The following NR2E3 variants were observed in gnomAD, a reference collection of about 807,000 sequenced individuals.
NR2E3 encodes the protein nuclear receptor subfamily 2 group E member 3.
A neutral mutation model predicts 37.6 loss-of-function variants in NR2E3; 38 were observed. That is an observed-to-expected ratio of 1.01 (90% CI 0.78 to 1.33). The LOEUF is 1.33. NR2E3 is among the 40% of genes most tolerant of loss of function. The pLI, the probability that NR2E3 is intolerant of heterozygous loss-of-function variation, is 0.00. For synonymous variants in NR2E3, 235 were observed against 225.1 expected (o/e 1.04, Z -0.39); for missense variants, 562 against 558.7 (o/e 1.01, Z -0.06).
chr15:71,816,742 ATACT>A (rs2054229371), intron 7 of NR2E3, among the ~76,000 whole-genome samples: 2 of 152,084 alleles, frequency 1.3e-5, no homozygotes, highest in South Asian at 4.1e-4. Context: ...TATAATTATA[ATACT>A]TATATATGAG....
chr15:71,812,530 G>A lies in NR2E3; in HGVS notation c.747+19G>A. 4 of 1,588,822 alleles carry A rather than the reference G, an allele frequency of 2.5e-6. No homozygotes were observed. The highest frequency in any genetic ancestry group is 3.4e-6 in the Non-Finnish European group (4 of 1,165,844). ...GGATCAGGTACCTACCGGCCTGCCT[G>A]CTGGGGAGCTAGGCTGGGCTGGGGT... On this transcript the variant is annotated intron_variant, in intron 5 of 7. Coordinates refer to ENST00000617575, the MANE Select transcript of NR2E3 (RefSeq NM_014249.4).
chr15:71,815,341 T>C (rs1015242262), intron 7 of NR2E3, among the ~76,000 whole-genome samples: 1 of 152,222 alleles, frequency 6.6e-6, no homozygotes, highest in Non-Finnish European at 1.5e-5. Flanking sequence ...GGTAATTTCC[T>C]TTTAAGAAAA....
At chr15:71,815,572 T>C (rs1219404640) in intron 7 of NR2E3, among the ~76,000 whole-genome samples, 1 of 152,196 alleles carries the variant, frequency 6.6e-6, no homozygotes, top group Non-Finnish European at 1.5e-5. Context: ...AAATGCTGAT[T>C]AAGATTTCCT....
At position 71,810,810 on chromosome 15, in the gene NR2E3, G is replaced by T; in HGVS notation, c.67G>T (p.Ala23Ser). 1 of 1,574,138 alleles carries T rather than the reference G, an allele frequency of 6.4e-7. No homozygotes were observed. The highest frequency in any genetic ancestry group is 8.6e-7 in the Non-Finnish European group (1 of 1,160,268). ...TGCAGCTGCGCCTGCAGCTGGGGCT[G>T]CCTCCAGGAAGGAGTCTCCAGGCAG... is the stretch of plus-strand genomic sequence containing the variant. Reference protein sequence around the residue: ...VAAAAPAAGAASRKESPGRWG... With the variant: ...VAAAAPAAGASSRKESPGRWG... The change falls in exon 1 of 8, where the codon GCC (alanine) becomes TCC (serine). Residue 23 changes from alanine (A) to serine (S), a missense_variant. Transcript: ENST00000617575.
At chr15:71,815,301 C>G (rs1435075653) in intron 7 of NR2E3, among the ~76,000 whole-genome samples, 3 of 152,176 alleles carry the variant, frequency 2.0e-5, no homozygotes, top group African/African-American at 4.8e-5. Flanking sequence ...TGCATCACCT[C>G]TAATCCAAGA....
In NR2E3 at chr15:71,811,908, T is replaced by A. The variant is rs747616553; in HGVS notation, c.349+39T>A. The A allele has an allele frequency of 1.3e-5, 20 of 1,549,204 alleles. No homozygotes were observed. The highest frequency in any genetic ancestry group is 2.0e-5 in the Admixed American group (1 of 50,944). On this transcript the variant is annotated intron_variant, in intron 3 of 7. Transcript: ENST00000617575. This position sits in a 1 kb window ranked among gnomAD's most constrained non-coding sequence, Gnocchi z 5.6. ...TGGCCCGGGGGGAGGTGACAAGAAA[T>A]GGGCAGCGGGACTGGCGTGTCGTCC...
rs1284383316 is a variant in NR2E3, at chr15:71,812,099, C to T, written c.494C>T (p.Ala165Val). 6.4e-6 allele frequency: 10 copies of T among 1,555,456 alleles called. No homozygotes were observed. The Admixed American group carries it at 1.9e-4, about 30-fold the overall frequency. ...CCACGGGGCCCCACACCCATGTCTG[C>T]AGCCAGAGCCCTGGGCCACCACTTC... ...RSPRGPTPMS[A>V]ARALGHHFMA... Residue 165 changes from alanine (A) to valine (V), a missense_variant, in exon 4 of 8, where the codon GCA becomes GTA. Coordinates refer to ENST00000617575, the MANE Select transcript of NR2E3 (RefSeq NM_014249.4).
intron 5 of NR2E3, 137 bp downstream of exon 5, chr15:71,812,648 CAT>C: frequency 1.3e-6 from 1 of 764,720 alleles, no homozygotes; most frequent in Non-Finnish European, 2.0e-6. Context: ...TGGGGACACA[CAT>C]ACCTCTGATT....
intron 7 of NR2E3, among the ~76,000 whole-genome samples, chr15:71,817,100 TC>T (rs58619093): frequency 0.064 from 6,069 of 94,816 alleles, 514 homozygotes; most frequent in African/African-American, 0.22. Flanking sequence ...TTTTCTTTTT[TC>T]TTTTTTTTTT....
intron 7 of NR2E3, chr15:71,814,936 G>A: frequency 1.0e-6 from 1 of 980,686 alleles, no homozygotes; most frequent in Non-Finnish European, 1.2e-6. Context: ...TTTGGGAGAA[G>A]ACATTGTTAA....
Position 71,817,883 on chromosome 15 carries a change from A to G in NR2E3, c.*199A>G. The G allele has an allele frequency of 2.3e-6, 1 of 430,230 alleles. No individual in the cohort carries two copies. The highest frequency in any genetic ancestry group is 4.2e-6 in the Non-Finnish European group (1 of 240,306). 26.7% of individuals were successfully genotyped at this position (430,230 alleles called of 1,614,324 possible). A position where few individuals can be genotyped will look rare whatever the true frequency, so the allele number is the denominator to read the frequency against. On this transcript the variant is annotated 3_prime_UTR_variant, in exon 8 of 8. Transcript: ENST00000617575. ...TGTATATTGATGGTAGGATGAATTA[A>G]CAAGTTGTGGTATATTCATATAATG...
rs2054170502 is a variant in NR2E3, at chr15:71,810,655, G to C, written c.-89G>C. ...TCAGGAAGGGAGACAGGGGCACAGA[G>C]AGACAGAGGTTCATGGACTGAGGCA... On this transcript the variant is annotated 5_prime_UTR_variant, in exon 1 of 8. Coordinates refer to ENST00000617575, the MANE Select transcript of NR2E3 (RefSeq NM_014249.4). 3 of 1,533,046 alleles carry C rather than the reference G, an allele frequency of 2.0e-6. No individual in the cohort carries two copies. The African/African-American group carries it at 4.1e-5, about 21-fold the overall frequency. 95.0% of individuals were successfully genotyped at this position (1,533,046 alleles called of 1,614,324 possible).
At chr15:71,815,442 C>T (rs1264689474) in intron 7 of NR2E3, among the ~76,000 whole-genome samples, 1 of 152,218 alleles carries the variant, frequency 6.6e-6, no homozygotes, top group Non-Finnish European at 1.5e-5. Flanking sequence ...TAAGACTTGA[C>T]TTAGCATCTG....
At position 71,814,471 on chromosome 15, in the gene NR2E3, TGAAAG is replaced by T. The variant is rs1017070111; in HGVS notation, c.1100+358_1100+362del. ...GACTTTGTGGAGACAGGGCTGGACT[TGAAAG>T]GAAGAAGAAGTCTAAAAGAAAACAT... is the stretch of plus-strand genomic sequence containing the variant. On this transcript the variant is annotated intron_variant, in intron 7 of 7. Coordinates refer to ENST00000617575, the MANE Select transcript of NR2E3 (RefSeq NM_014249.4). 1.6e-4 allele frequency: 167 copies of T among 1,051,132 alleles called. No homozygotes were observed. The African/African-American group carries it at 2.6e-3, about 16-fold the overall frequency. 65.1% of individuals were successfully genotyped at this position (1,051,132 alleles called of 1,614,324 possible). A position where few individuals can be genotyped will look rare whatever the true frequency, so the allele number is the denominator to read the frequency against.
At position 71,813,322 on chromosome 15, in the gene NR2E3, C is replaced by T. The variant is rs1454681667; in HGVS notation, c.748-67C>T. ...ATTCCTTGGGTGCCTGAGATGGTGG[C>T]AGAGGCTCCAGACTGAGCCAGAGAA... On this transcript the variant is annotated intron_variant, in intron 5 of 7. Transcript: ENST00000617575. The surrounding 1 kb of genome is among the most constrained non-coding windows in gnomAD (Gnocchi z 4.7). 3.0e-5 allele frequency: 47 copies of T among 1,563,358 alleles called. No homozygotes were observed. The highest frequency in any genetic ancestry group is 4.0e-5 in the Non-Finnish European group (46 of 1,155,076).
At chr15:71,814,862 T>C (rs2054215422) in intron 7 of NR2E3, 1 of 985,420 alleles carries the variant, frequency 1.0e-6, no homozygotes. Context: ...AGGGAGACTC[T>C]AGGAGTTGAA....
At chr15:71,817,081 T>G (rs1359068321) in intron 7 of NR2E3, among the ~76,000 whole-genome samples, 2 of 151,564 alleles carry the variant, frequency 1.3e-5, no homozygotes, top group East Asian at 3.9e-4. Flanking sequence ...CTCCTCTGGT[T>G]AATGCGGCTT....
chr15:71,812,075 C>T lies in NR2E3; in HGVS notation c.470C>T (p.Pro157Leu). The T allele has an allele frequency of 2.6e-6, 4 of 1,553,176 alleles. No homozygotes were observed. The highest frequency in any genetic ancestry group is 1.2e-5 in the South Asian group (1 of 84,220). The change falls in exon 4 of 8, where the codon CCA (proline) becomes CTA (leucine). Residue 157 changes from proline (P) to leucine (L), a missense_variant. Coordinates refer to ENST00000617575, the MANE Select transcript of NR2E3 (RefSeq NM_014249.4). ...CCCCCGGCCCCGGCAGGGCGCAGCC[C>T]ACGGGGCCCCACACCCATGTCTGCA... ...VAPPAPAGRS[P>L]RGPTPMSAAR...
chr15:71,812,251 T>C (rs1427221841), intron 4 of NR2E3, 75 bp downstream of exon 4: 3 of 1,609,600 alleles, frequency 1.9e-6, no homozygotes, highest in Non-Finnish European at 1.7e-6. Flanking sequence ...CGCCTTGCCT[T>C]GATCCTCCCT....
Sources: allele counts gnomAD v4.1 joint callset (sites outside exome capture counted in the v4.1 genomes callset), GRCh38; gene constraint gnomAD v4.1.1; non-coding constraint Gnocchi (gnomAD v3.1); transcripts MANE v1.5; gene names NCBI Gene and HGNC (gene_info 2026-07-23, HGNC 2026-07-21).